The following CCDC91 variants were observed in gnomAD, a reference collection of about 807,000 sequenced individuals.
CCDC91 encodes the protein coiled-coil domain containing 91.
A neutral mutation model predicts 63.2 loss-of-function variants in CCDC91; 48 were observed. That is an observed-to-expected ratio of 0.76 (90% CI 0.60 to 0.97). The LOEUF is 0.97. Ranked by LOEUF, CCDC91 falls within the 50% of genes least tolerant of loss-of-function variation. The pLI, the probability that CCDC91 is intolerant of heterozygous loss-of-function variation, is 0.00. For synonymous variants in CCDC91, 167 were observed against 165.8 expected (o/e 1.01, Z -0.06); for missense variants, 500 against 494.6 (o/e 1.01, Z -0.10).
intron 1 of CCDC91, among the ~76,000 whole-genome samples, chr12:28,231,770 G>T (rs1180049984): frequency 2.0e-5 from 3 of 152,080 alleles, no homozygotes; most frequent in African/African-American, 7.2e-5. Flanking sequence ...CTGTCTTTCA[G>T]TTCACTTTAT....
intron 8 of CCDC91, among the ~76,000 whole-genome samples, chr12:28,444,349 G>A (rs987836500): frequency 6.6e-6 from 1 of 152,150 alleles, no homozygotes; most frequent in African/African-American, 2.4e-5. Context: ...TGATGGGTAA[G>A]ATTATATGAA....
chr12:28,450,649 A>C (rs1203348642), intron 10 of CCDC91, among the ~76,000 whole-genome samples: 1 of 151,856 alleles, frequency 6.6e-6, no homozygotes, highest in African/African-American at 2.4e-5. Context: ...TTAGTTACTT[A>C]TTATAAAGAA....
At chr12:28,439,872 T>C (rs1330333350) in intron 8 of CCDC91, among the ~76,000 whole-genome samples, 1 of 151,842 alleles carries the variant, frequency 6.6e-6, no homozygotes, top group African/African-American at 2.4e-5. Flanking sequence ...GCCTTTATTT[T>C]AGGTTAATTT....
chr12:28,474,634 AT>A (rs1950988084), intron 11 of CCDC91, among the ~76,000 whole-genome samples: 1 of 152,120 alleles, frequency 6.6e-6, no homozygotes, highest in Non-Finnish European at 1.5e-5. Context: ...GGGACTAAAA[AT>A]ATCTATGTGT....
chr12:28,512,574 C>G (rs773031519), intron 12 of CCDC91, among the ~76,000 whole-genome samples: 1 of 151,798 alleles, frequency 6.6e-6, no homozygotes, highest in Non-Finnish European at 1.5e-5. Context: ...ACAGCTTCAC[C>G]CATTTATTTA....
intron 8 of CCDC91, among the ~76,000 whole-genome samples, chr12:28,395,958 C>T (rs118045608): frequency 5.3e-5 from 8 of 152,252 alleles, no homozygotes; most frequent in African/African-American, 1.2e-4. Flanking sequence ...ACATGGCACT[C>T]GGCTTGGTTA....
chr12:28,421,454 T>C (rs1403830506), intron 8 of CCDC91, among the ~76,000 whole-genome samples: 1 of 152,082 alleles, frequency 6.6e-6, no homozygotes, highest in African/African-American at 2.4e-5. Context: ...AGTGAGGGCA[T>C]GTAGTATTTG....
intron 8 of CCDC91, among the ~76,000 whole-genome samples, chr12:28,399,917 G>A (rs1411610140): frequency 6.6e-6 from 1 of 152,202 alleles, no homozygotes; most frequent in East Asian, 1.9e-4. Context: ...CAGGCATTGA[G>A]TGTGGCTTTT....
rs1174449294 is a variant in CCDC91 at position 28,309,458 on chromosome 12, T to C, written c.576+1709T>C. ...CTAGTGCTTTTAGTCCAACACTCCATGTTGTTAAATTTCCTATCTAAATCC... is the reference window on the plus strand; with the variant it reads ...CTAGTGCTTTTAGTCCAACACTCCACGTTGTTAAATTTCCTATCTAAATCC... On this transcript the variant is annotated intron_variant, in intron 6 of 12. Coordinates refer to ENST00000536442, the MANE Select transcript of CCDC91 (RefSeq NM_018318.5). Among the ~76,000 whole-genome samples the C allele has an allele frequency of 3.3e-5, 5 of 152,058 alleles. No individual in the cohort carries two copies. The East Asian group carries it at 7.7e-4, about 24-fold the overall frequency.
At chr12:28,475,265 T>C (rs904888524) in intron 11 of CCDC91, among the ~76,000 whole-genome samples, 7 of 152,224 alleles carry the variant, frequency 4.6e-5, no homozygotes, top group Middle Eastern at 3.4e-3. Flanking sequence ...GAGAAAAGCA[T>C]GCTGCTAATC....
At chr12:28,331,979 A>G (rs1456241765) in intron 6 of CCDC91, among the ~76,000 whole-genome samples, 1 of 152,200 alleles carries the variant, frequency 6.6e-6, no homozygotes, top group African/African-American at 2.4e-5. Flanking sequence ...GGGGGCTACA[A>G]TCTTCAATCC....
chr12:28,244,242 A>G (rs11049476), intron 1 of CCDC91, among the ~76,000 whole-genome samples: 38,908 of 152,016 alleles, frequency 0.26, 5,287 homozygotes, highest in Non-Finnish European at 0.31. Context: ...TAGCAAATTA[A>G]GAAAAGAGGG....
At chr12:28,355,961 A>G (rs1239772697) in intron 6 of CCDC91, among the ~76,000 whole-genome samples, 1 of 152,190 alleles carries the variant, frequency 6.6e-6, no homozygotes, top group Admixed American at 6.5e-5. Flanking sequence ...ATAGAATCCT[A>G]TGGCAAAATT....
intron 10 of CCDC91, among the ~76,000 whole-genome samples, chr12:28,451,361 A>T (rs1158347941): frequency 1.3e-5 from 2 of 151,648 alleles, no homozygotes; most frequent in Non-Finnish European, 3.0e-5. Context: ...TATGGAGAAG[A>T]TGGAGTCAAC....
At chr12:28,285,901 C>T (rs867734483) in intron 3 of CCDC91, among the ~76,000 whole-genome samples, 4 of 151,778 alleles carry the variant, frequency 2.6e-5, no homozygotes, top group Non-Finnish European at 4.4e-5. Flanking sequence ...TAAAGCAATT[C>T]GCAAATCATT....
At chr12:28,261,704 G>A (rs1038818173) in intron 3 of CCDC91, among the ~76,000 whole-genome samples, 6 of 151,926 alleles carry the variant, frequency 3.9e-5, no homozygotes, top group African/African-American at 1.4e-4. Context: ...TATATTATGA[G>A]CAAATTATCT....
At chr12:28,292,807 A>G (rs567785529) in intron 3 of CCDC91, among the ~76,000 whole-genome samples, 37 of 152,174 alleles carry the variant, frequency 2.4e-4, no homozygotes, top group Admixed American at 7.2e-4. Flanking sequence ...GTAGTACCCA[A>G]TGCTTCTCAA....
At chr12:28,510,130 G>A (rs1014565498) in intron 12 of CCDC91, among the ~76,000 whole-genome samples, 1 of 151,768 alleles carries the variant, frequency 6.6e-6, no homozygotes, top group African/African-American at 2.4e-5. Flanking sequence ...GAGTTTCCCT[G>A]AAAGTCTTTC....
At chr12:28,447,711 G>A (rs1166611360) in intron 8 of CCDC91, among the ~76,000 whole-genome samples, 1 of 105,492 alleles carries the variant, frequency 9.5e-6, no homozygotes, top group African/African-American at 3.8e-5. Flanking sequence ...AAGAAGAATG[G>A]GAAGGGCAGG....
Sources: gnomAD v4.1 joint callset for allele counts (sites outside exome capture counted in the v4.1 genomes callset) on GRCh38, gnomAD v4.1.1 for gene constraint, MANE v1.5 for transcripts, NCBI Gene and HGNC (gene_info 2026-07-23, HGNC 2026-07-21) for gene names.